The following SGCZ variants were observed in gnomAD, a reference collection of about 807,000 sequenced individuals.
SGCZ encodes sarcoglycan zeta, also known as zeta-sarcoglycan.
A neutral mutation model predicts 41.3 loss-of-function variants in SGCZ; 40 were observed. The ratio of observed to expected loss-of-function variants is 0.97; its 90% CI spans 0.75 to 1.26. SGCZ has a LOEUF of 1.26. Ranked by LOEUF, SGCZ falls within the 50% of genes most tolerant of loss-of-function variation. SGCZ has a pLI of 0.00. For synonymous variants in SGCZ, 206 were observed against 137.5 expected, an observed-to-expected ratio of 1.50 and a Z score of -3.49; for missense variants, 552 against 369.8, an observed-to-expected ratio of 1.49 and a Z score of -4.04.
At chr8:14,680,993 T>C (rs1181077795) in intron 1 of SGCZ, among the ~76,000 whole-genome samples, 2 of 107,730 alleles carry the variant, frequency 1.9e-5, no homozygotes, top group Non-Finnish European at 3.7e-5. Flanking sequence ...AGAAAATCGG[T>C]GAACCCTGGC....
intron 1 of SGCZ, among the ~76,000 whole-genome samples, chr8:14,847,800 A>C (rs1585315331): frequency 1.3e-5 from 2 of 151,026 alleles, no homozygotes; most frequent in South Asian, 2.1e-4. Context: ...AAAAAAAAAA[A>C]AAAAAAAACC....
intron 3 of SGCZ, among the ~76,000 whole-genome samples, chr8:14,298,745 C>T (rs1292310525): frequency 1.3e-5 from 2 of 152,064 alleles, no homozygotes; most frequent in African/African-American, 4.8e-5. Flanking sequence ...AATATCATTA[C>T]AAATGTTAAT....
chr8:14,795,857 G>A (rs1317802998), intron 1 of SGCZ, among the ~76,000 whole-genome samples: 1 of 152,072 alleles, frequency 6.6e-6, no homozygotes, highest in African/African-American at 2.4e-5. Flanking sequence ...CCCAGTGTGT[G>A]TTGTTCCCCT....
chr8:14,452,797 T>G (rs1800631937), intron 2 of SGCZ, among the ~76,000 whole-genome samples: 1 of 152,020 alleles, frequency 6.6e-6, no homozygotes, highest in South Asian at 2.1e-4. Flanking sequence ...CATGAAACAT[T>G]CCGTATAAAA....
intron 1 of SGCZ, among the ~76,000 whole-genome samples, chr8:15,219,801 G>A (rs1025540014): frequency 1.3e-5 from 2 of 152,150 alleles, no homozygotes; most frequent in African/African-American, 2.4e-5. Flanking sequence ...ATAGCAGTGA[G>A]ACCAGTTTTC....
At chr8:15,164,920 G>A (rs1052937153) in intron 1 of SGCZ, among the ~76,000 whole-genome samples, 1 of 151,974 alleles carries the variant, frequency 6.6e-6, no homozygotes, top group African/African-American at 2.4e-5. Context: ...TGTTTTCCCA[G>A]CCCTGTCTCT....
At chr8:15,222,257 A>T (rs1485028985) in intron 1 of SGCZ, among the ~76,000 whole-genome samples, 1 of 152,198 alleles carries the variant, frequency 6.6e-6, no homozygotes, top group African/African-American at 2.4e-5. Context: ...TATGTCATCC[A>T]TATTCCAGGG....
intron 1 of SGCZ, among the ~76,000 whole-genome samples, chr8:15,206,886 T>A (rs1260508644): frequency 6.6e-6 from 1 of 152,004 alleles, no homozygotes; most frequent in Non-Finnish European, 1.5e-5. Flanking sequence ...GGGGTCAGAA[T>A]TGGAATGAAA....
intron 1 of SGCZ, among the ~76,000 whole-genome samples, chr8:14,751,091 T>C (rs991936596): frequency 2.0e-5 from 3 of 152,228 alleles, no homozygotes; most frequent in Non-Finnish European, 4.4e-5. Context: ...AAATCACAGA[T>C]TCCAAGATAT....
intron 2 of SGCZ, among the ~76,000 whole-genome samples, chr8:14,478,594 G>A (rs1305661527): frequency 6.6e-6 from 1 of 151,660 alleles, no homozygotes; most frequent in Non-Finnish European, 1.5e-5. Flanking sequence ...TACTGTAAAA[G>A]ACTGTAACTA....
At chr8:14,476,666 G>C (rs1277288238) in intron 2 of SGCZ, among the ~76,000 whole-genome samples, 3 of 152,052 alleles carry the variant, frequency 2.0e-5, no homozygotes, top group Non-Finnish European at 2.9e-5. Flanking sequence ...TTCTACCCAA[G>C]TCCCACTGTG....
At chr8:15,187,565 G>C (rs1800384905) in intron 1 of SGCZ, among the ~76,000 whole-genome samples, 1 of 151,928 alleles carries the variant, frequency 6.6e-6, no homozygotes, top group Non-Finnish European at 1.5e-5. Flanking sequence ...ATTTATGACA[G>C]TGCTTCATAG....
chr8:14,457,354 T>TG (rs1406915510), intron 2 of SGCZ, among the ~76,000 whole-genome samples: 2 of 152,196 alleles, frequency 1.3e-5, no homozygotes, highest in Non-Finnish European at 2.9e-5. Flanking sequence ...GGAAGATGCC[T>TG]GTTACCAGGT....
At position 14,991,516 on chromosome 8, in the gene SGCZ, C is replaced by G. The variant is rs539998472; in HGVS notation, c.39+246069G>C. On this transcript the variant is annotated intron_variant, in intron 1 of 7. Coordinates refer to ENST00000382080, the MANE Select transcript of SGCZ (RefSeq NM_139167.4). The stretch of plus-strand genomic sequence containing the variant: ...AATGTCTACCTTCGGCCCAGCTCAA[C>G]TTTCATGTCATCTGGCCACGTGATG... 2.0e-5 allele frequency among the ~76,000 whole-genome samples: 3 copies of G among 152,256 alleles called. No individual in the cohort carries two copies. In the South Asian group the frequency reaches 6.2e-4, roughly 32 times the overall value.
chr8:14,548,679 A>G (rs946249182), intron 2 of SGCZ, among the ~76,000 whole-genome samples: 1 of 152,118 alleles, frequency 6.6e-6, no homozygotes, highest in African/African-American at 2.4e-5. Flanking sequence ...GCTTTCATTT[A>G]GTAACTGAAA....
intron 1 of SGCZ, among the ~76,000 whole-genome samples, chr8:14,909,360 G>C (rs530206251): frequency 6.6e-6 from 1 of 151,602 alleles, no homozygotes; most frequent in Non-Finnish European, 1.5e-5. Context: ...TATTTTTCTT[G>C]GTGTGAACTT....
intron 1 of SGCZ, among the ~76,000 whole-genome samples, chr8:14,905,836 G>T (rs184078203): frequency 6.6e-6 from 1 of 151,302 alleles, no homozygotes; most frequent in Non-Finnish European, 1.5e-5. Flanking sequence ...AAAACCATTC[G>T]TACAAACTGA....
intron 3 of SGCZ, among the ~76,000 whole-genome samples, chr8:14,294,915 G>T (rs1193594269): frequency 6.6e-6 from 1 of 151,908 alleles, no homozygotes; most frequent in Non-Finnish European, 1.5e-5. Flanking sequence ...TTCTGCAAAG[G>T]CCAAGTATTA....
At chr8:14,254,313 G>A (rs549735491) in intron 3 of SGCZ, among the ~76,000 whole-genome samples, 1 of 152,186 alleles carries the variant, frequency 6.6e-6, no homozygotes, top group South Asian at 2.1e-4. Context: ...ACTAGCATTT[G>A]ATCTTCGCTC....
Sources: allele counts gnomAD v4.1 joint callset (sites outside exome capture counted in the v4.1 genomes callset), GRCh38; gene constraint gnomAD v4.1.1; transcripts MANE v1.5; gene names NCBI Gene and HGNC (gene_info 2026-07-23, HGNC 2026-07-21).